ZNF804A: variants seen among roughly 807,000 people sequenced by gnomAD.
ZNF804A encodes zinc finger protein 804A.
A neutral mutation model predicts 16.5 loss-of-function variants in ZNF804A; 2 were observed. The observed-to-expected ratio is 0.12, with a 90% CI of 0.05 to 0.38. The LOEUF is 0.38. Among genes scored for constraint, ZNF804A ranks in the 10% least tolerant of loss-of-function variants. The pLI is 0.99. For missense variants in ZNF804A, 1,473 were observed against 1,390.7 expected (o/e 1.06, Z -0.94); for synonymous variants, 534 against 489.6 (o/e 1.09, Z -1.20).
intron 1 of ZNF804A, among the ~76,000 whole-genome samples, chr2:184,795,477 T>A (rs1313264563): frequency 6.7e-6 from 1 of 150,258 alleles, no homozygotes; most frequent in Non-Finnish European, 1.5e-5. Context: ...TCTGAAAGAG[T>A]ACAAACAGAC....
intron 1 of ZNF804A, among the ~76,000 whole-genome samples, chr2:184,605,800 T>C (rs1245865131): frequency 6.6e-6 from 1 of 152,148 alleles, no homozygotes; most frequent in Non-Finnish European, 1.5e-5. Context: ...GATAACTGTG[T>C]ACTGTATTAT....
At chr2:184,617,453 A>G (rs1692564691) in intron 1 of ZNF804A, among the ~76,000 whole-genome samples, 1 of 151,994 alleles carries the variant, frequency 6.6e-6, no homozygotes, top group Non-Finnish European at 1.5e-5. Context: ...AAAAAGACAT[A>G]AAAGTAAACA....
intron 1 of ZNF804A, among the ~76,000 whole-genome samples, chr2:184,811,862 G>A (rs1242494450): frequency 2.6e-5 from 4 of 152,132 alleles, no homozygotes; most frequent in African/African-American, 9.7e-5. Context: ...CATTTTAGGA[G>A]TTTTCTTCCT....
intron 1 of ZNF804A, among the ~76,000 whole-genome samples, chr2:184,769,389 G>A (rs1694178402): frequency 6.6e-6 from 1 of 151,892 alleles, no homozygotes; most frequent in Admixed American, 6.6e-5. Context: ...GAAGGGCTTT[G>A]GTAGCCTAGT....
At chr2:184,922,449 GA>G (rs1685543026) in intron 2 of ZNF804A, among the ~76,000 whole-genome samples, 1 of 151,860 alleles carries the variant, frequency 6.6e-6, no homozygotes, top group African/African-American at 2.4e-5. Flanking sequence ...CTGATTATTT[GA>G]TTTTTTTCTT....
At chr2:184,822,251 C>A (rs1695097556) in intron 1 of ZNF804A, among the ~76,000 whole-genome samples, 1 of 152,134 alleles carries the variant, frequency 6.6e-6, no homozygotes, top group Non-Finnish European at 1.5e-5. Flanking sequence ...GAAATCATGT[C>A]TTTTGCAGGC....
At chr2:184,811,485 C>G (rs1184378513) in intron 1 of ZNF804A, among the ~76,000 whole-genome samples, 20 of 151,916 alleles carry the variant, frequency 1.3e-4, no homozygotes. Context: ...CTTTTATTTC[C>G]TTTTCTATTT....
At chr2:184,903,078 C>A (rs1229989115) in intron 2 of ZNF804A, among the ~76,000 whole-genome samples, 1 of 152,108 alleles carries the variant, frequency 6.6e-6, no homozygotes, top group African/African-American at 2.4e-5. Flanking sequence ...GCAGCTTTGT[C>A]TCAGTAACAC....
At chr2:184,734,485 T>A (rs1693577825) in intron 1 of ZNF804A, among the ~76,000 whole-genome samples, 2 of 152,212 alleles carry the variant, frequency 1.3e-5, no homozygotes. Context: ...CAGCTATCCA[T>A]CTGTTACTGA....
At chr2:184,639,295 A>G (rs1255396692) in intron 1 of ZNF804A, among the ~76,000 whole-genome samples, 1 of 151,640 alleles carries the variant, frequency 6.6e-6, no homozygotes, top group African/African-American at 2.4e-5. Context: ...GCTGGCCTCA[A>G]ACTCCTGACC....
intron 1 of ZNF804A, among the ~76,000 whole-genome samples, chr2:184,635,425 A>G (rs1364689920): frequency 6.6e-6 from 1 of 152,150 alleles, no homozygotes; most frequent in African/African-American, 2.4e-5. Context: ...TGTTCAAGAT[A>G]TTATTATCAA....
chr2:184,724,327 T>C (rs574385825), intron 1 of ZNF804A, among the ~76,000 whole-genome samples: 1 of 151,858 alleles, frequency 6.6e-6, no homozygotes, highest in East Asian at 1.9e-4. Flanking sequence ...GTACATTTAT[T>C]TGTCTTAAGT....
At chr2:184,725,964 G>A (rs1204861259) in intron 1 of ZNF804A, among the ~76,000 whole-genome samples, 2 of 151,700 alleles carry the variant, frequency 1.3e-5, no homozygotes, top group Non-Finnish European at 3.0e-5. Flanking sequence ...TTCATTTAGA[G>A]ATGATAGCTT....
intron 2 of ZNF804A, among the ~76,000 whole-genome samples, chr2:184,883,653 A>C (rs1258975650): frequency 6.6e-6 from 1 of 152,146 alleles, no homozygotes; most frequent in African/African-American, 2.4e-5. Flanking sequence ...AACAAATGTA[A>C]GTCAATAAAT....
At chr2:184,874,226 T>C (rs1696018184) in intron 2 of ZNF804A, among the ~76,000 whole-genome samples, 1 of 152,088 alleles carries the variant, frequency 6.6e-6, no homozygotes, top group Admixed American at 6.6e-5. Context: ...AAACTCAGGA[T>C]AGTGGTTACT....
intron 1 of ZNF804A, among the ~76,000 whole-genome samples, chr2:184,847,719 C>T (rs1183732574): frequency 6.6e-6 from 1 of 152,024 alleles, no homozygotes; most frequent in African/African-American, 2.4e-5. Context: ...TAAGACTGTT[C>T]CCATTTTCAA....
chr2:184,726,750 A>T (rs116034865), intron 1 of ZNF804A, among the ~76,000 whole-genome samples: 3 of 151,512 alleles, frequency 2.0e-5, no homozygotes, highest in Non-Finnish European at 4.4e-5. Flanking sequence ...TATCTTAAAA[A>T]TACTTTTGTA....
chr2:184,599,079 TTC>T lies in ZNF804A; in HGVS notation c.111+11_111+12del, dbSNP rs1559104035. On this transcript the variant is annotated intron_variant, in intron 1 of 3. Transcript: ENST00000302277. ...ACGGGAACAAAACTCTGGTAATCGC[TTC>T]TGTTTTCCTCTCTCTCTCTCTCATA... 6.3e-7 allele frequency: 1 copy of T among 1,578,598 alleles called. No homozygotes were observed. The highest frequency in any genetic ancestry group is 8.7e-7 in the Non-Finnish European group (1 of 1,155,132).
chr2:184,861,221 A>G (rs1219428365), intron 1 of ZNF804A, among the ~76,000 whole-genome samples: 1 of 152,142 alleles, frequency 6.6e-6, no homozygotes, highest in African/African-American at 2.4e-5. Flanking sequence ...CATGTGGAAA[A>G]TATATCTCTC....
Sources: gnomAD v4.1 joint callset for allele counts (sites outside exome capture counted in the v4.1 genomes callset) on GRCh38, gnomAD v4.1.1 for gene constraint, MANE v1.5 for transcripts, NCBI Gene and HGNC (gene_info 2026-07-23, HGNC 2026-07-21) for gene names.